Variants in ADD2 observed in about 807,000 individuals in gnomAD.
ADD2 encodes beta-adducin.
ADD2 carries 23 observed loss-of-function variants against 83.0 expected under a neutral mutation model. The observed-to-expected ratio is 0.28, with a 90% confidence interval of 0.20 to 0.39. The LOEUF is 0.39. Ranked by LOEUF, ADD2 falls within the 10% of genes least tolerant of loss-of-function variation. The pLI is 1.00. For missense variants in ADD2, 758 were observed against 944.9 expected (o/e 0.80, Z 2.59); for synonymous variants, 375 against 375.4 (o/e 1.00, Z 0.01).
Position 70,676,794 on chromosome 2 carries a change from A to G in ADD2, c.1593+2T>C. ...GCCAGTCAGGGGCAGCCTCTGCTCT[A>G]CCGGGCTTCGGCTCTTCTCGGCAAT... On this transcript the variant is annotated splice_donor_variant, in intron 13 of 15. Coordinates refer to ENST00000264436, the MANE Select transcript of ADD2 (RefSeq NM_001617.4). LOFTEE classifies it high-confidence loss of function. The surrounding 1 kb of genome is among the most constrained non-coding windows in gnomAD (Gnocchi z 4.8). 1 of 1,614,154 alleles carries G rather than the reference A, an allele frequency of 6.2e-7. No individual in the cohort carries two copies.
intron 1 of ADD2, among the ~76,000 whole-genome samples, chr2:70,756,990 G>A (rs943129797): frequency 2.6e-5 from 4 of 152,096 alleles, no homozygotes; most frequent in African/African-American, 9.7e-5. Flanking sequence ...CACCACACCT[G>A]GCTAATTTTG....
At position 70,702,084 on chromosome 2, in the gene ADD2, G is replaced by A. The variant is rs138994526; in HGVS notation, c.322+2237C>T. ...AATTCTTCACCAAATCAATTTATTC[G>A]TTTAATGTAATCCCAATCAAAATCC... On this transcript the variant is annotated intron_variant, in intron 4 of 15. Coordinates refer to ENST00000264436, the MANE Select transcript of ADD2 (RefSeq NM_001617.4). Among the ~76,000 whole-genome samples, 387 of 152,174 alleles carry A rather than the reference G, an allele frequency of 2.5e-3. 2 individuals carry two copies. The highest frequency in any genetic ancestry group is 9.1e-3 in the African/African-American group (379 of 41,534).
chr2:70,677,891 A>C lies in ADD2; in HGVS notation c.1384-14T>G. The C allele has an allele frequency of 1.2e-6, 2 of 1,614,102 alleles. No individual in the cohort carries two copies. Among genetic ancestry groups the C allele is most frequent in the Non-Finnish European group, 1.7e-6 (2 of 1,179,990 alleles). ...AGCCTTCATCCACTGCACAAACACA[A>C]GGTCATGGGGCTGAGGTGAGGGAAC... On this transcript the variant is annotated splice_polypyrimidine_tract_variant and intron_variant, in intron 11 of 15. Transcript: ENST00000264436.
rs1675502064 is a variant in ADD2, at chr2:70,660,438, A to C, written c.*2987T>G. ...TATTGACATTTCAAAAAGGCCTCAT[A>C]GCTCCCATGCCACCATCCCACGCCC... On this transcript the variant is annotated 3_prime_UTR_variant, in exon 16 of 16. Coordinates refer to ENST00000264436, the MANE Select transcript of ADD2 (RefSeq NM_001617.4). 1 of 152,462 alleles carries C rather than the reference A, an allele frequency of 6.6e-6. No homozygotes were observed. The highest frequency in any genetic ancestry group is 1.5e-5 in the Non-Finnish European group (1 of 68,080). The allele number at this position is 152,462 out of a possible 1,614,324, so 9.4% of individuals were successfully genotyped here.
At chr2:70,727,657 G>C (rs1202828878) in intron 1 of ADD2, among the ~76,000 whole-genome samples, 4 of 152,094 alleles carry the variant, frequency 2.6e-5, no homozygotes, top group Admixed American at 6.5e-5. Context: ...CACTTTAGGA[G>C]GCTGAGGTGG....
rs1553371479 is a variant in ADD2, at chr2:70,690,937, A to G, written c.706-8T>C. 3 of 1,608,400 alleles carry G rather than the reference A, an allele frequency of 1.9e-6. No homozygotes were observed. Among genetic ancestry groups the G allele is most frequent in the Non-Finnish European group, 2.5e-6 (3 of 1,177,498 alleles). Reference sequence around the variant, plus strand: ...CCACTTCATGGCCGACACCTTAGAGAGACAATGGCATGGTTAGCACCTGCA... The same window carrying G: ...CCACTTCATGGCCGACACCTTAGAGGGACAATGGCATGGTTAGCACCTGCA... On this transcript the variant is annotated splice_region_variant and splice_polypyrimidine_tract_variant and intron_variant, in intron 7 of 15. Transcript: ENST00000264436.
At chr2:70,673,299 G>C (rs1553367524) in intron 14 of ADD2, 1 of 1,614,152 alleles carries the variant, frequency 6.2e-7, no homozygotes, top group Non-Finnish European at 8.5e-7. Context: ...GGCCGGACCA[G>C]AGCCTGGCTC....
chr2:70,695,686 A>G lies in ADD2; in HGVS notation c.555+35T>C, dbSNP rs782409606. The G allele has an allele frequency of 5.5e-5, 87 of 1,592,658 alleles. No homozygotes were observed. The Admixed American group carries it at 1.5e-3, about 27-fold the overall frequency. ...GAACAGAGAGAGTGCTGTCATTTCAATAAGGAGTGGGCAGTGATGCTGGAC... is the reference window on the plus strand; with the variant it reads ...GAACAGAGAGAGTGCTGTCATTTCAGTAAGGAGTGGGCAGTGATGCTGGAC... On this transcript the variant is annotated intron_variant, in intron 6 of 15. Coordinates refer to ENST00000264436, the MANE Select transcript of ADD2 (RefSeq NM_001617.4).
intron 1 of ADD2, among the ~76,000 whole-genome samples, chr2:70,728,858 G>T (rs1553378799): frequency 9.2e-5 from 14 of 152,242 alleles, no homozygotes; most frequent in Non-Finnish European, 1.9e-4. Flanking sequence ...ACATAGGCAA[G>T]TCCAGTGCAG....
intron 1 of ADD2, among the ~76,000 whole-genome samples, chr2:70,754,963 TC>T (rs1441727965): frequency 3.3e-5 from 5 of 152,192 alleles, no homozygotes; most frequent in Admixed American, 1.3e-4. Context: ...GGATAACCAT[TC>T]CCTTGCAAAA....
At chr2:70,750,900 T>C (rs1553382847) in intron 1 of ADD2, among the ~76,000 whole-genome samples, 1 of 152,182 alleles carries the variant, frequency 6.6e-6, no homozygotes, top group African/African-American at 2.4e-5. Flanking sequence ...CCTGGCCATG[T>C]AGAGAAACTG....
At chr2:70,693,677 A>AG (rs1671164432) in intron 6 of ADD2, among the ~76,000 whole-genome samples, 2 of 152,350 alleles carry the variant, frequency 1.3e-5, no homozygotes, top group Admixed American at 1.3e-4. Flanking sequence ...CTCCCGCCTC[A>AG]GGTACTTTAA....
intron 1 of ADD2, among the ~76,000 whole-genome samples, chr2:70,761,241 T>TTA (rs1553384845): frequency 2.0e-5 from 3 of 151,134 alleles, no homozygotes; most frequent in African/African-American, 4.9e-5. Flanking sequence ...TTTTTTTTTT[T>TTA]AAAGACAATA....
rs537286381 is a variant in ADD2 at position 70,732,998 on chromosome 2, T to G, written c.-153-19814A>C. ...GATCTGCCTTCCCCTGCTAATTAATTCCCATCTCATCACAGCCACTCTTGG... is the reference window on the plus strand; with the variant it reads ...GATCTGCCTTCCCCTGCTAATTAATGCCCATCTCATCACAGCCACTCTTGG... On this transcript the variant is annotated intron_variant, in intron 1 of 15. Transcript: ENST00000264436. Among the ~76,000 whole-genome samples the G allele has an allele frequency of 2.6e-4, 39 of 152,270 alleles. No individual in the cohort carries two copies. In the South Asian group the frequency reaches 7.7e-3, roughly 30 times the overall value.
At chr2:70,686,623 A>T (rs564642489) in intron 9 of ADD2, among the ~76,000 whole-genome samples, 1 of 152,318 alleles carries the variant, frequency 6.6e-6, no homozygotes, top group East Asian at 1.9e-4. Context: ...GAAGGAAGAT[A>T]GGGAGCTCTT....
Position 70,658,096 on chromosome 2 carries a change from A to G in ADD2, c.*5329T>C, listed in dbSNP as rs1574201954. 1 of 152,238 alleles carries G rather than the reference A, an allele frequency of 6.6e-6. No homozygotes were observed. Among genetic ancestry groups the G allele is most frequent in the East Asian group, 1.9e-4 (1 of 5,204 alleles). The allele number at this position is 152,238 out of a possible 1,614,324, so 9.4% of individuals were successfully genotyped here. A position where few individuals can be genotyped will look rare whatever the true frequency, so the allele number is the denominator to read the frequency against. On this transcript the variant is annotated 3_prime_UTR_variant, in exon 16 of 16. Coordinates refer to ENST00000264436, the MANE Select transcript of ADD2 (RefSeq NM_001617.4). ...AATGCGACCCATTGTTTCTGTATAC[A>G]TAAGAACACTCCCAGCTGGAGATTC... is the stretch of plus-strand genomic sequence containing the variant.
At chr2:70,722,812 T>C (rs17654543) in intron 1 of ADD2, among the ~76,000 whole-genome samples, 3,958 of 152,238 alleles carry the variant, frequency 0.026, 99 homozygotes, top group Admixed American at 0.063. Context: ...AAAATGGAAA[T>C]TGACCCACCA....
chr2:70,728,977 T>C (rs1327613088), intron 1 of ADD2, among the ~76,000 whole-genome samples: 1 of 152,262 alleles, frequency 6.6e-6, no homozygotes, highest in Non-Finnish European at 1.5e-5. Flanking sequence ...CTCTCAAAGA[T>C]ACGCTGAGCT....
intron 1 of ADD2, among the ~76,000 whole-genome samples, chr2:70,733,962 G>A (rs564323052): frequency 1.4e-4 from 22 of 152,154 alleles, no homozygotes; most frequent in Non-Finnish European, 2.1e-4. Context: ...TGTTGTCAAG[G>A]AAACCAGTCC....
Sources: allele counts gnomAD v4.1 joint callset (sites outside exome capture counted in the v4.1 genomes callset), GRCh38; gene constraint gnomAD v4.1.1; non-coding constraint Gnocchi (gnomAD v3.1); transcripts MANE v1.5; gene names NCBI Gene and HGNC (gene_info 2026-07-23, HGNC 2026-07-21).